Variants in KIZ observed in about 807,000 individuals in gnomAD.
KIZ encodes kizuna centrosomal protein.
Under a neutral mutation model 79.6 loss-of-function variants are expected in KIZ, and 68 were observed. The observed-to-expected ratio is 0.85, with a 90% CI of 0.70 to 1.05. The LOEUF is 1.05. Among genes scored for constraint, KIZ ranks in the 50% least tolerant of loss-of-function variants. The probability of loss-of-function intolerance (pLI) is 0.00; values close to 1 mark genes in which losing one functional copy is unlikely to be tolerated. For missense variants in KIZ, 797 were observed against 800.4 expected, an observed-to-expected ratio of 1.00 and a Z score of 0.05; for synonymous variants, 280 against 281.8, an observed-to-expected ratio of 0.99 and a Z score of 0.06.
chr20:21,194,311 G>A (rs1171276123), intron 6 of KIZ: 1 of 152,328 alleles, frequency 6.6e-6, no homozygotes, highest in Non-Finnish European at 1.5e-5. Context: ...GCCAGAGACT[G>A]GACACAGGTT....
intron 9 of KIZ, among the ~76,000 whole-genome samples, chr20:21,222,407 C>A (rs1409613702): frequency 6.6e-6 from 1 of 152,152 alleles, no homozygotes; most frequent in African/African-American, 2.4e-5. Flanking sequence ...CAGATAACTT[C>A]TTAGGTTTGA....
At chr20:21,179,773 C>A (rs2034577170) in intron 6 of KIZ, among the ~76,000 whole-genome samples, 1 of 151,994 alleles carries the variant, frequency 6.6e-6, no homozygotes, top group Admixed American at 6.6e-5. Flanking sequence ...TTTTTGTTTT[C>A]ATTTGTCTCA....
intron 6 of KIZ, among the ~76,000 whole-genome samples, chr20:21,192,901 T>C (rs946932674): frequency 6.6e-6 from 1 of 152,152 alleles, no homozygotes; most frequent in Non-Finnish European, 1.5e-5. Context: ...TGTCCAGATG[T>C]GTTGACAGCC....
chr20:21,152,779 T>G (rs2033184251), intron 4 of KIZ, among the ~76,000 whole-genome samples: 1 of 152,210 alleles, frequency 6.6e-6, no homozygotes, highest in Non-Finnish European at 1.5e-5. Flanking sequence ...AATGCCGAAT[T>G]TCTCTTGAAG....
chr20:21,217,077 C>G (rs762896169), intron 9 of KIZ, among the ~76,000 whole-genome samples: 2 of 152,106 alleles, frequency 1.3e-5, no homozygotes, highest in Non-Finnish European at 2.9e-5. Flanking sequence ...TGCCATTGAT[C>G]CATCAATAGT....
At chr20:21,157,240 C>G (rs558697048) in intron 4 of KIZ, among the ~76,000 whole-genome samples, 2 of 152,116 alleles carry the variant, frequency 1.3e-5, no homozygotes, top group South Asian at 4.2e-4. Context: ...TTTTTTGGGC[C>G]CTTGGATGAA....
intron 6 of KIZ, chr20:21,166,657 C>CAAAA: frequency 1.3e-6 from 1 of 752,066 alleles, no homozygotes; most frequent in Non-Finnish European, 2.2e-6. Flanking sequence ...TTGGTTTCTC[C>CAAAA]ATGTTGGTCA....
chr20:21,186,118 AT>A (rs2034868080), intron 6 of KIZ, among the ~76,000 whole-genome samples: 1 of 152,158 alleles, frequency 6.6e-6, no homozygotes, highest in African/African-American at 2.4e-5. Flanking sequence ...ACATATATTT[AT>A]TGTTTACTAG....
intron 4 of KIZ, among the ~76,000 whole-genome samples, chr20:21,154,403 T>A (rs2033272558): frequency 6.6e-6 from 1 of 152,258 alleles, no homozygotes; most frequent in Non-Finnish European, 1.5e-5. Flanking sequence ...GATGAATTCC[T>A]GATTTTTAAA....
At chr20:21,146,367 A>G (rs1291230499) in intron 4 of KIZ, among the ~76,000 whole-genome samples, 1 of 152,240 alleles carries the variant, frequency 6.6e-6, no homozygotes, top group Non-Finnish European at 1.5e-5. Context: ...ATTATTCAGA[A>G]AAGCCAACAG....
intron 4 of KIZ, 70 bp downstream of exon 4, chr20:21,145,724 T>C (rs756909460): frequency 1.2e-5 from 7 of 602,998 alleles, no homozygotes; most frequent in Non-Finnish European, 2.0e-5. Flanking sequence ...TGAGATATTG[T>C]TTTAAATAAA....
chr20:21,222,906 A>G (rs899449428), intron 9 of KIZ, among the ~76,000 whole-genome samples: 1 of 152,226 alleles, frequency 6.6e-6, no homozygotes, highest in Non-Finnish European at 1.5e-5. Flanking sequence ...CTGGGAGGAC[A>G]TGAGTTTGTC....
At chr20:21,240,405 C>T (rs965230001) in intron 11 of KIZ, among the ~76,000 whole-genome samples, 2 of 152,232 alleles carry the variant, frequency 1.3e-5, no homozygotes, top group Admixed American at 6.5e-5. Flanking sequence ...CTTATGCCAC[C>T]ACACCCAGCC....
At chr20:21,176,060 A>G (rs1469196570) in intron 6 of KIZ, among the ~76,000 whole-genome samples, 3 of 152,296 alleles carry the variant, frequency 2.0e-5, no homozygotes, top group Non-Finnish European at 4.4e-5. Flanking sequence ...CTATAATCTC[A>G]GCACTTTGGG....
At chr20:21,148,061 T>A (rs2032939626) in intron 4 of KIZ, among the ~76,000 whole-genome samples, 3 of 151,004 alleles carry the variant, frequency 2.0e-5, no homozygotes, top group Non-Finnish European at 4.4e-5. Context: ...TGCGGGAAGA[T>A]GAGGCTGGCA....
Position 21,214,662 on chromosome 20 carries a change from C to G in KIZ, c.1574C>G (p.Pro525Arg). ...AATAGTGGAATAAAGGAAGCCAAAC[C>G]TGCTGTATGGCTCAACAGTGTTCCT... Reference protein sequence around the residue: ...NDNSGIKEAKPAVWLNSVPTR... With the variant: ...NDNSGIKEAKRAVWLNSVPTR... Residue 525 changes from proline to arginine, a missense_variant, in exon 8 of 13, where the codon CCT (proline) becomes CGT (arginine). Pro to Arg is a moderately radical substitution (Grantham distance 103). Coordinates refer to ENST00000619189, the MANE Select transcript of KIZ (RefSeq NM_018474.6). 1 of 1,612,446 alleles carries G rather than the reference C, an allele frequency of 6.2e-7. No individual in the cohort carries two copies. Among genetic ancestry groups the G allele is most frequent in the East Asian group, 2.2e-5 (1 of 44,864 alleles).
rs150227699 is a variant in KIZ, at chr20:21,240,814, G to A, written c.1881-3431G>A. Among the ~76,000 whole-genome samples the A allele has an allele frequency of 1.2e-3, 176 of 152,318 alleles. 1 individual carries two copies. In the South Asian group the frequency reaches 0.016, roughly 14 times the overall value. On this transcript the variant is annotated intron_variant, in intron 11 of 12. Transcript: ENST00000619189. ...AAAGGTATATGAAATTCAAATTTCC[G>A]TGTCTATACGTGAAGTTTAATTGGA...
rs147034190 is a variant in KIZ at position 21,139,521 on chromosome 20, G to A, written c.315+2969G>A. The stretch of plus-strand genomic sequence containing the variant: ...TTTTCAAAGATTTCATGGAGAAAAT[G>A]AAAGTGATGGGCAAAGGAGGGAATT... On this transcript the variant is annotated intron_variant, in intron 3 of 12. Coordinates refer to ENST00000619189, the MANE Select transcript of KIZ (RefSeq NM_018474.6). 1.9e-3 allele frequency among the ~76,000 whole-genome samples: 287 copies of A among 152,258 alleles called. 2 individuals carry two copies. The highest frequency in any genetic ancestry group is 6.6e-3 in the East Asian group (34 of 5,172).
Position 21,205,508 on chromosome 20 carries a change from A to C in KIZ, c.1370A>C (p.Asp457Ala). Reference protein sequence around the residue: ...APTREPGQTPDSDVPRAQVGQ... With the variant: ...APTREPGQTPASDVPRAQVGQ... ...TTTTATAGACCTGGACAAACACCAG[A>C]CTCAGACGTACCGAGGGCACAGGTG... Residue 457 changes from aspartate to alanine, a missense_variant, in exon 7 of 13, where the codon GAC (aspartate) becomes GCC (alanine). Coordinates refer to ENST00000619189, the MANE Select transcript of KIZ (RefSeq NM_018474.6). 1 of 1,521,382 alleles carries C rather than the reference A, an allele frequency of 6.6e-7. No individual in the cohort carries two copies. The highest frequency in any genetic ancestry group is 9.0e-7 in the Non-Finnish European group (1 of 1,106,974). 94.2% of individuals were successfully genotyped at this position (1,521,382 alleles called of 1,614,324 possible).
Sources: allele counts gnomAD v4.1 joint callset (sites outside exome capture counted in the v4.1 genomes callset), GRCh38; gene constraint gnomAD v4.1.1; transcripts MANE v1.5; gene names NCBI Gene and HGNC (gene_info 2026-07-23, HGNC 2026-07-21).